The following KCNJ6 variants were observed in gnomAD, a reference collection of about 807,000 sequenced individuals.
KCNJ6 encodes the protein potassium inwardly rectifying channel subfamily J member 6.
In KCNJ6, 9 loss-of-function variants were observed where a neutral mutation model predicts 34.2. The observed-to-expected ratio is 0.26, with a 90% CI of 0.16 to 0.46. The LOEUF (loss-of-function observed/expected upper bound fraction) is 0.46. Ranked by LOEUF, KCNJ6 falls within the 20% of genes least tolerant of loss-of-function variation. The pLI is 1.00. For missense variants in KCNJ6, 236 were observed against 531.3 expected (o/e 0.44, Z 5.46); for synonymous variants, 196 against 207.1 (o/e 0.95, Z 0.46).
intron 1 of KCNJ6, among the ~76,000 whole-genome samples, chr21:37,851,288 C>A (rs1374800189): frequency 1.3e-5 from 2 of 152,192 alleles, no homozygotes; most frequent in African/African-American, 4.8e-5. Context: ...ATTGGAATAA[C>A]CCCTGGAAGC....
chr21:37,833,583 G>A (rs1480022241), intron 2 of KCNJ6, among the ~76,000 whole-genome samples: 2 of 152,136 alleles, frequency 1.3e-5, no homozygotes, highest in Non-Finnish European at 1.5e-5. Flanking sequence ...TGCAGCCTCC[G>A]AGACTGTGGG....
rs374216968 is a variant in KCNJ6, at chr21:37,777,140, G to A, written c.26-62009C>T. ...GATTTTCTAGTTTATTTGCGTAGAG[G>A]TGTTTATAGTATTCTCTGATGGTAG... On this transcript the variant is annotated intron_variant, in intron 2 of 3. Coordinates refer to ENST00000609713, the MANE Select transcript of KCNJ6 (RefSeq NM_002240.5). Among the ~76,000 whole-genome samples, 731 of 152,284 alleles carry A rather than the reference G, an allele frequency of 4.8e-3. 8 individuals carry two copies. The highest frequency in any genetic ancestry group is 0.016 in the African/African-American group (654 of 41,556).
At chr21:37,864,855 C>T (rs1369718785) in intron 1 of KCNJ6, among the ~76,000 whole-genome samples, 1 of 151,496 alleles carries the variant, frequency 6.6e-6, no homozygotes, top group Non-Finnish European at 1.5e-5. Context: ...CCCATTCTCC[C>T]CATCTGTCTC....
At chr21:37,844,046 C>G (rs1285770863) in intron 1 of KCNJ6, among the ~76,000 whole-genome samples, 2 of 149,534 alleles carry the variant, frequency 1.3e-5, no homozygotes, top group East Asian at 4.0e-4. Flanking sequence ...CTTCCTTCCT[C>G]ACCCCCTGAT....
chr21:37,638,236 T>A (rs1432402492), intron 3 of KCNJ6, among the ~76,000 whole-genome samples: 1 of 152,202 alleles, frequency 6.6e-6, no homozygotes, highest in Non-Finnish European at 1.5e-5. Flanking sequence ...AGCCTCTGCC[T>A]CCTGGGTTCA....
intron 2 of KCNJ6, among the ~76,000 whole-genome samples, chr21:37,793,657 CT>C (rs2055227897): frequency 6.6e-6 from 1 of 151,686 alleles, no homozygotes; most frequent in Non-Finnish European, 1.5e-5. Context: ...GCTTTTGGTC[CT>C]GGCAAGAATC....
chr21:37,675,064 G>T lies in KCNJ6; in HGVS notation c.946+39147C>A, dbSNP rs540196120. ...CAGTCCTGCTCGGAGCTCCTCTGCT[G>T]CTCCGGGTTTGACTCAATCGACACC... On this transcript the variant is annotated intron_variant, in intron 3 of 3. Transcript: ENST00000609713. This position sits in a 1 kb window ranked among gnomAD's most constrained non-coding sequence, Gnocchi z 4.2. Among the ~76,000 whole-genome samples the T allele has an allele frequency of 6.6e-6, 1 of 152,202 alleles. No individual in the cohort carries two copies. Among genetic ancestry groups the T allele is most frequent in the Admixed American group, 6.5e-5 (1 of 15,290 alleles).
intron 1 of KCNJ6, among the ~76,000 whole-genome samples, chr21:37,863,505 C>A (rs991621674): frequency 6.6e-6 from 1 of 152,164 alleles, no homozygotes; most frequent in Non-Finnish European, 1.5e-5. Context: ...TCAGGAAGTA[C>A]CTCTGGTGCC....
intron 1 of KCNJ6, among the ~76,000 whole-genome samples, chr21:37,848,537 C>T (rs181619878): frequency 2.0e-5 from 3 of 152,268 alleles, no homozygotes; most frequent in Admixed American, 2.0e-4. Context: ...ATGTACAGGT[C>T]ACCCTGACTG....
intron 2 of KCNJ6, among the ~76,000 whole-genome samples, chr21:37,715,490 T>TC (rs1469741493): frequency 6.6e-6 from 1 of 151,904 alleles, no homozygotes; most frequent in East Asian, 1.9e-4. Flanking sequence ...GATGAAGGAG[T>TC]CCTCTTTAGA....
intron 2 of KCNJ6, among the ~76,000 whole-genome samples, chr21:37,735,117 C>G (rs2054906191): frequency 6.6e-6 from 1 of 152,112 alleles, no homozygotes; most frequent in Admixed American, 6.5e-5. Context: ...ACTCCCGCTC[C>G]CTTCCCCTTG....
rs1206407851 is a variant in KCNJ6, at chr21:37,612,301, CAA to C, written c.*12856_*12857del. ...TGAAGTACTTAAGGTATAAATCTAA[CAA>C]TATGTATAAGATCTACATGAGGAAA... On this transcript the variant is annotated 3_prime_UTR_variant, in exon 4 of 4. Coordinates refer to ENST00000609713, the MANE Select transcript of KCNJ6 (RefSeq NM_002240.5). The C allele has an allele frequency of 6.6e-6, 1 of 152,050 alleles. No individual in the cohort carries two copies. Among genetic ancestry groups the C allele is most frequent in the Non-Finnish European group, 1.5e-5 (1 of 68,000 alleles). The allele number at this position is 152,050 out of a possible 1,614,324, so 9.4% of individuals were successfully genotyped here.
intron 2 of KCNJ6, among the ~76,000 whole-genome samples, chr21:37,733,947 T>A (rs1816088029): frequency 6.6e-6 from 1 of 152,232 alleles, no homozygotes; most frequent in African/African-American, 2.4e-5. Context: ...GGCACATGCA[T>A]GTTCTTCAAA....
chr21:37,676,294 C>T (rs1036691869), intron 3 of KCNJ6, among the ~76,000 whole-genome samples: 4 of 152,190 alleles, frequency 2.6e-5, no homozygotes, highest in Admixed American at 6.5e-5. Flanking sequence ...GGTGTGAGTC[C>T]CGTGACCTCC....
intron 2 of KCNJ6, among the ~76,000 whole-genome samples, chr21:37,808,314 T>C (rs1461617835): frequency 2.6e-5 from 4 of 152,232 alleles, no homozygotes; most frequent in African/African-American, 9.6e-5. Flanking sequence ...TCAAGTTAGC[T>C]TTGCCATATT....
At chr21:37,873,480 C>T (rs949171291) in intron 1 of KCNJ6, among the ~76,000 whole-genome samples, 3 of 152,264 alleles carry the variant, frequency 2.0e-5, no homozygotes, top group Non-Finnish European at 4.4e-5. Context: ...TGTACCTAAC[C>T]GTCCATTGAC....
At chr21:37,651,113 A>G (rs1304774312) in intron 3 of KCNJ6, among the ~76,000 whole-genome samples, 2 of 152,222 alleles carry the variant, frequency 1.3e-5, no homozygotes, top group Non-Finnish European at 2.9e-5. Context: ...AAAGGTACAG[A>G]GAGCCACAGG....
At chr21:37,736,054 T>A (rs534301027) in intron 2 of KCNJ6, among the ~76,000 whole-genome samples, 1 of 152,144 alleles carries the variant, frequency 6.6e-6, no homozygotes, top group Non-Finnish European at 1.5e-5. Flanking sequence ...TATAGTAAAG[T>A]GCAGCCTAGG....
intron 2 of KCNJ6, among the ~76,000 whole-genome samples, chr21:37,820,943 AAAACTT>A (rs2123553723): frequency 6.6e-6 from 1 of 152,346 alleles, no homozygotes; most frequent in African/African-American, 2.4e-5. Context: ...TTCTTGTTGA[AAAACTT>A]AAAAACGTTT....
Sources: allele counts gnomAD v4.1 joint callset (sites outside exome capture counted in the v4.1 genomes callset), GRCh38; gene constraint gnomAD v4.1.1; non-coding constraint Gnocchi (gnomAD v3.1); transcripts MANE v1.5; gene names NCBI Gene and HGNC (gene_info 2026-07-23, HGNC 2026-07-21).